The following AQP7B variants were observed in gnomAD, a reference collection of about 807,000 sequenced individuals.
AQP7B encodes the protein putative aquaporin-7B.
the AQP7B span, among the ~76,000 whole-genome samples, chr2:94,597,853 C>T: frequency 6.6e-6 from 1 of 152,138 alleles, no homozygotes; most frequent in Admixed American, 6.5e-5. Flanking sequence ...GATCCTCCCA[C>T]CTCGGCCTCC....
chr2:94,602,477 G>T, the AQP7B span: 1 of 1,600,468 alleles, frequency 6.2e-7, no homozygotes, highest in Non-Finnish European at 8.5e-7. Context: ...CCCCCTTAGA[G>T]GCCCTCCCTT....
At chr2:94,598,354 G>C in the AQP7B span, among the ~76,000 whole-genome samples, 1 of 152,340 alleles carries the variant, frequency 6.6e-6, no homozygotes, top group African/African-American at 2.4e-5. Flanking sequence ...TTCCAGGGGT[G>C]TTGCCCTTGG....
chr2:94,590,421 C>T, the AQP7B span, among the ~76,000 whole-genome samples: 1 of 152,040 alleles, frequency 6.6e-6, no homozygotes, highest in African/African-American at 2.4e-5. Flanking sequence ...CTCCTGACCT[C>T]AAGTGATCCA....
At chr2:94,600,557 C>G in the AQP7B span, among the ~76,000 whole-genome samples, 3 of 151,944 alleles carry the variant, frequency 2.0e-5, no homozygotes, top group East Asian at 3.9e-4. Context: ...CATAGTGAAA[C>G]CTCATCTCTA....
the AQP7B span, chr2:94,603,385 G>T: frequency 1.9e-6 from 3 of 1,604,254 alleles, no homozygotes; most frequent in Non-Finnish European, 2.6e-6. Flanking sequence ...CTCCGCAGCG[G>T]CCATTCTCCA....
At chr2:94,596,752 T>C in the AQP7B span, among the ~76,000 whole-genome samples, 1 of 152,202 alleles carries the variant, frequency 6.6e-6, no homozygotes, top group East Asian at 1.9e-4. Context: ...TAGGATGGAT[T>C]GCAGTGGTAC....
At chr2:94,589,310 C>A in the AQP7B span, among the ~76,000 whole-genome samples, 1 of 152,138 alleles carries the variant, frequency 6.6e-6, no homozygotes, top group Admixed American at 6.5e-5. Context: ...CACCTGGCCT[C>A]ACACTGACTT....
At chr2:94,603,566 A>G in the AQP7B span, 2 of 1,501,350 alleles carry the variant, frequency 1.3e-6, no homozygotes, top group Non-Finnish European at 1.8e-6. Flanking sequence ...GCCAGCAGGG[A>G]GTCCCTCCAG....
chr2:94,588,727 C>A, the AQP7B span, among the ~76,000 whole-genome samples: 2 of 151,396 alleles, frequency 1.3e-5, no homozygotes, highest in Non-Finnish European at 2.9e-5. Context: ...CCACCTGTTG[C>A]CTGGGCTGGG....
the AQP7B span, among the ~76,000 whole-genome samples, chr2:94,602,830 T>C: frequency 6.6e-6 from 1 of 152,160 alleles, no homozygotes; most frequent in African/African-American, 2.4e-5. Flanking sequence ...GGCTGGGTCA[T>C]CTTAGGCAAG....
the AQP7B span, chr2:94,602,443 A>T: frequency 6.4e-7 from 1 of 1,567,028 alleles, no homozygotes; most frequent in Non-Finnish European, 8.7e-7. Context: ...CCCTCCTCTG[A>T]GGTTGGGGCT....
the AQP7B span, among the ~76,000 whole-genome samples, chr2:94,592,608 G>A: frequency 2.9e-3 from 435 of 152,124 alleles, 2 homozygotes; most frequent in African/African-American, 9.8e-3. Context: ...ATAGAGGCAG[G>A]GGAGAGGTAG....
the AQP7B span, among the ~76,000 whole-genome samples, chr2:94,595,378 T>G: frequency 8.6e-5 from 13 of 151,540 alleles, no homozygotes; most frequent in African/African-American, 3.2e-4. Flanking sequence ...GAGGTTGCAG[T>G]GAGCTGAGAT....
At chr2:94,596,092 G>T in the AQP7B span, among the ~76,000 whole-genome samples, 1 of 152,260 alleles carries the variant, frequency 6.6e-6, no homozygotes, top group Non-Finnish European at 1.5e-5. Context: ...GGGGGCAGTG[G>T]TTCCACCAGG....
At chr2:94,602,052 T>TGTGTGTGC in the AQP7B span, among the ~76,000 whole-genome samples, 6 of 149,418 alleles carry the variant, frequency 4.0e-5, no homozygotes, top group East Asian at 2.0e-4. Context: ...TGTGTGTGTG[T>TGTGTGTGC]GCAGGGAAGG....
At chr2:94,602,919 G>A in the AQP7B span, 3 of 1,250,586 alleles carry the variant, frequency 2.4e-6, no homozygotes, top group East Asian at 5.1e-5. Flanking sequence ...AGGGCTCAAG[G>A]AGAGAGCTCT....
At chr2:94,602,123 T>C in the AQP7B span, among the ~76,000 whole-genome samples, 1 of 151,410 alleles carries the variant, frequency 6.6e-6, no homozygotes, top group African/African-American at 2.4e-5. Context: ...TTCCTTCAGG[T>C]CAGCCTGAAG....
chr2:94,592,171 C>A, the AQP7B span, among the ~76,000 whole-genome samples: 14 of 152,106 alleles, frequency 9.2e-5, no homozygotes, highest in Admixed American at 9.2e-4. Context: ...TCTGTGGTTA[C>A]CTCCAGCATG....
At chr2:94,597,657 C>G in the AQP7B span, among the ~76,000 whole-genome samples, 1 of 132,008 alleles carries the variant, frequency 7.6e-6, no homozygotes, top group East Asian at 2.3e-4. Context: ...CTTCCTTTGT[C>G]GCAGTGGTGC....
Sources: allele counts gnomAD v4.1 joint callset (sites outside exome capture counted in the v4.1 genomes callset), GRCh38; gene constraint gnomAD v4.1.1; transcripts MANE v1.5; gene names NCBI Gene and HGNC (gene_info 2026-07-23, HGNC 2026-07-21).